Variants in TIAM2 observed in about 807,000 individuals in gnomAD.
The protein encoded by TIAM2 is TIAM Rac1 associated GEF 2.
TIAM2 carries 80 observed loss-of-function variants against 152.9 expected under a neutral mutation model. The ratio of observed to expected loss-of-function variants is 0.52; its 90% CI spans 0.44 to 0.63. The LOEUF (loss-of-function observed/expected upper bound fraction) is 0.63. TIAM2 is among the 30% of genes least tolerant of loss of function. The probability of loss-of-function intolerance (pLI) is 0.00; values close to 1 mark genes in which losing one functional copy is unlikely to be tolerated. For synonymous variants in TIAM2, 804 were observed against 838.0 expected (o/e 0.96, Z 0.70); for missense variants, 1,965 against 2,120.1 (o/e 0.93, Z 1.44).
intron 1 of TIAM2, among the ~76,000 whole-genome samples, chr6:155,010,001 C>T (rs564095110): frequency 4.6e-5 from 7 of 152,082 alleles, no homozygotes; most frequent in South Asian, 4.2e-4. Flanking sequence ...TACAGGCGCC[C>T]GCCACCACAC....
intron 2 of TIAM2, among the ~76,000 whole-genome samples, chr6:155,114,789 G>A (rs12525749): frequency 0.54 from 82,039 of 151,844 alleles, 23,152 homozygotes; most frequent in African/African-American, 0.69. Context: ...AAAGGGGCAT[G>A]GATTGATCAG....
At position 155,148,100 on chromosome 6, in the gene TIAM2, CTG is replaced by C. The variant is rs2115065213; in HGVS notation, c.1804-4_1804-3del. On this transcript the variant is annotated splice_polypyrimidine_tract_variant and splice_region_variant and intron_variant, in intron 6 of 26. Coordinates refer to ENST00000682666, the MANE Select transcript of TIAM2 (RefSeq NM_012454.4). The stretch of plus-strand genomic sequence containing the variant: ...GATTCGAAACAGGCTTTCTCCCTCC[CTG>C]TGTGTAGGCCACCAGCCAGACAGAT... 6.2e-7 allele frequency: 1 copy of C among 1,613,602 alleles called. No individual in the cohort carries two copies. The highest frequency in any genetic ancestry group is 1.1e-5 in the South Asian group (1 of 91,036).
At chr6:155,131,725 G>A (rs1414589618) in intron 4 of TIAM2, among the ~76,000 whole-genome samples, 3 of 151,868 alleles carry the variant, frequency 2.0e-5, no homozygotes, top group Non-Finnish European at 2.9e-5. Context: ...CATTACAGGC[G>A]TGCACCACCA....
At chr6:155,064,078 T>G (rs1777641099) in intron 1 of TIAM2, among the ~76,000 whole-genome samples, 1 of 152,172 alleles carries the variant, frequency 6.6e-6, no homozygotes, top group Non-Finnish European at 1.5e-5. Flanking sequence ...CTAGATGTCT[T>G]ACAGCTTTGA....
rs1256647291 is a variant in TIAM2 at position 155,186,629 on chromosome 6, C to T, written c.3064+3129C>T. On this transcript the variant is annotated intron_variant, in intron 14 of 26. Coordinates refer to ENST00000682666, the MANE Select transcript of TIAM2 (RefSeq NM_012454.4). The surrounding 1 kb of genome is among the most constrained non-coding windows in gnomAD (Gnocchi z 4.5). ...GTTCCTGTCTGTGGCATGTTCAGCC[C>T]AGCGTTTCACTTGGCAGGAATTCTG... Among the ~76,000 whole-genome samples, 3 of 152,198 alleles carry T rather than the reference C, an allele frequency of 2.0e-5. No individual in the cohort carries two copies. Among genetic ancestry groups the T allele is most frequent in the South Asian group, 2.1e-4 (1 of 4,822 alleles).
At chr6:155,131,389 G>C (rs1465467196) in intron 4 of TIAM2, among the ~76,000 whole-genome samples, 2 of 151,212 alleles carry the variant, frequency 1.3e-5, no homozygotes, top group African/African-American at 4.9e-5. Context: ...GAGAATTCCT[G>C]AAAGAATTGG....
At chr6:155,212,126 A>G (rs756502176) in intron 15 of TIAM2, among the ~76,000 whole-genome samples, 16 of 152,194 alleles carry the variant, frequency 1.1e-4, no homozygotes, top group Non-Finnish European at 1.9e-4. Flanking sequence ...GTTGATAGAC[A>G]CTTGGATTAT....
chr6:155,189,635 T>C (rs889668613), intron 14 of TIAM2, among the ~76,000 whole-genome samples: 3 of 152,202 alleles, frequency 2.0e-5, no homozygotes, highest in African/African-American at 7.2e-5. Context: ...TTGTTAAATG[T>C]CGAAGGTACA....
chr6:155,211,173 C>G (rs987323058), intron 14 of TIAM2, 31 bp from the exon 15 acceptor site: 15 of 1,597,714 alleles, frequency 9.4e-6, no homozygotes, highest in Non-Finnish European at 1.2e-5. Context: ...AATGGCCAAA[C>G]TCATATATGT....
chr6:155,010,959 G>A (rs1366640832), intron 1 of TIAM2, among the ~76,000 whole-genome samples: 2 of 151,764 alleles, frequency 1.3e-5, no homozygotes, highest in Non-Finnish European at 2.9e-5. Context: ...CAGGAGAATC[G>A]CTTGAACCCG....
chr6:155,248,039 G>T lies in TIAM2; in HGVS notation c.3692G>T (p.Arg1231Leu). Reference protein sequence around the residue: ...DKAFKAFLDARNPTKQHSSTL... With the variant: ...DKAFKAFLDALNPTKQHSSTL... ...GCCTTCAAGGCTTTTCTGGACGCCC[G>T]GAACCCCACCAAGCAGCATTCCTCC... Residue 1231 changes from arginine (R) to leucine (L), a missense_variant, in exon 20 of 27, where the codon CGG becomes CTG. Transcript: ENST00000682666. 1.2e-6 allele frequency: 2 copies of T among 1,614,172 alleles called. No individual in the cohort carries two copies. The highest frequency in any genetic ancestry group is 1.7e-6 in the Non-Finnish European group (2 of 1,180,016).
At chr6:155,224,252 T>C (rs1782162908) in intron 15 of TIAM2, among the ~76,000 whole-genome samples, 1 of 152,242 alleles carries the variant, frequency 6.6e-6, no homozygotes, top group African/African-American at 2.4e-5. Flanking sequence ...TCCACAGTGG[T>C]GGCTGCTTTT....
chr6:155,120,169 G>T (rs1437613371), intron 2 of TIAM2, among the ~76,000 whole-genome samples: 1 of 152,230 alleles, frequency 6.6e-6, no homozygotes, highest in Non-Finnish European at 1.5e-5. Context: ...TTTCCCGCTT[G>T]TTGAATACCA....
chr6:155,081,145 AC>A (rs1296910667), intron 1 of TIAM2, among the ~76,000 whole-genome samples: 3 of 152,144 alleles, frequency 2.0e-5, no homozygotes, highest in South Asian at 2.1e-4. Flanking sequence ...TATTTTAACC[AC>A]CCTTGGTGTC....
Position 155,009,473 on chromosome 6 carries a change from T to C in TIAM2, c.-209+13981T>C, listed in dbSNP as rs180882412. ...ATGTTTCTAGGTGATGCTGCCACTG[T>C]GGCTGATCTGGGGCCGCATTTGGAG... On this transcript the variant is annotated intron_variant, in intron 1 of 26. Transcript: ENST00000682666. Among the ~76,000 whole-genome samples the C allele has an allele frequency of 2.1e-4, 32 of 152,282 alleles. No homozygotes were observed. The East Asian group carries it at 4.8e-3, about 23-fold the overall frequency.
intron 15 of TIAM2, among the ~76,000 whole-genome samples, chr6:155,219,670 C>T (rs935860647): frequency 7.9e-5 from 12 of 152,064 alleles, no homozygotes; most frequent in African/African-American, 2.9e-4. Context: ...TTGTGCCCTG[C>T]TCTTCTTGGT....
Position 155,174,858 on chromosome 6 carries a change from G to C in TIAM2, c.2362-1958G>C, listed in dbSNP as rs762893695. 3.9e-5 allele frequency among the ~76,000 whole-genome samples: 6 copies of C among 152,122 alleles called. No individual in the cohort carries two copies. Among genetic ancestry groups the C allele is most frequent in the Admixed American group, 3.9e-4 (6 of 15,268 alleles). On this transcript the variant is annotated intron_variant, in intron 9 of 26. Transcript: ENST00000682666. This position sits in a 1 kb window ranked among gnomAD's most constrained non-coding sequence, Gnocchi z 4.2. ...TCAGTGGGAGCCTGTGACTTCCTCC[G>C]GGCCTTGTTCTTTGTGATGTTTCTT...
chr6:155,046,532 G>A (rs1025156750), intron 1 of TIAM2, among the ~76,000 whole-genome samples: 27 of 151,936 alleles, frequency 1.8e-4, no homozygotes, highest in Admixed American at 1.1e-3. Context: ...GACAGGTTTC[G>A]CCATGTTGGC....
At chr6:155,012,397 T>C (rs1435351986) in intron 1 of TIAM2, among the ~76,000 whole-genome samples, 1 of 152,118 alleles carries the variant, frequency 6.6e-6, no homozygotes, top group Non-Finnish European at 1.5e-5. Flanking sequence ...GAAAGCACAT[T>C]TGCTACTTTT....
Sources: gnomAD v4.1 joint callset for allele counts (sites outside exome capture counted in the v4.1 genomes callset) on GRCh38, gnomAD v4.1.1 for gene constraint, Gnocchi (gnomAD v3.1) non-coding constraint, MANE v1.5 for transcripts, NCBI Gene and HGNC (gene_info 2026-07-23, HGNC 2026-07-21) for gene names.